Variants in CD163L1 observed in about 807,000 individuals in gnomAD.
The protein encoded by CD163L1 is scavenger receptor cysteine-rich type 1 protein M160.
In CD163L1, 124 loss-of-function variants were observed where a neutral mutation model predicts 165.4. The ratio of observed to expected loss-of-function variants is 0.75; its 90% confidence interval spans 0.65 to 0.87. The LOEUF (loss-of-function observed/expected upper bound fraction) is 0.87, where lower values mean the gene tolerates loss of function less well. Among genes scored for constraint, CD163L1 ranks in the 40% least tolerant of loss-of-function variants. The probability of loss-of-function intolerance (pLI) is 0.00; values close to 1 mark genes in which losing one functional copy is unlikely to be tolerated. For synonymous variants in CD163L1, 585 were observed against 662.2 expected, an observed-to-expected ratio of 0.88 and a Z score of 1.79; for missense variants, 1,525 against 1,799.9, an observed-to-expected ratio of 0.85 and a Z score of 2.76.
intron 19 of CD163L1, among the ~76,000 whole-genome samples, chr12:7,357,090 G>A (rs1221360852): frequency 6.6e-6 from 1 of 152,098 alleles, no homozygotes; most frequent in African/African-American, 2.4e-5. Flanking sequence ...TTATCAATGA[G>A]CAGTATGTGA....
chr12:7,389,958 A>ATT (rs917330105), intron 8 of CD163L1, among the ~76,000 whole-genome samples: 9 of 114,896 alleles, frequency 7.8e-5, no homozygotes, highest in South Asian at 6.3e-4. Context: ...ATATATATAT[A>ATT]TTTATATATA....
At chr12:7,407,689 A>G (rs1389885788) in intron 4 of CD163L1, among the ~76,000 whole-genome samples, 2 of 151,776 alleles carry the variant, frequency 1.3e-5, no homozygotes, top group Non-Finnish European at 2.9e-5. Context: ...ACATATATAT[A>G]GTGATCAATT....
intron 19 of CD163L1, among the ~76,000 whole-genome samples, chr12:7,356,037 A>G (rs1946768100): frequency 6.6e-6 from 1 of 152,168 alleles, no homozygotes; most frequent in South Asian, 2.1e-4. Context: ...CCCTAATTTC[A>G]AGTACTTTAA....
Position 7,369,479 on chromosome 12 carries a change from C to A in CD163L1, c.3917G>T (p.Gly1306Val), listed in dbSNP as rs1484430669. ...CCGCATGTCATCCAACCAGATGGTT[C>A]CAGTTCCCTGGCCAAACGAAGCGTC... ...LRDASFGQGT[G>V]TIWLDDMRCK... Residue 1306 changes from glycine to valine, a missense_variant, in exon 15 of 20, where the codon GGA becomes GTA. Transcript: ENST00000313599. The surrounding 1 kb of genome is among the most constrained non-coding windows in gnomAD (Gnocchi z 4.9). The A allele has an allele frequency of 1.2e-6, 2 of 1,614,070 alleles. No homozygotes were observed. The highest frequency in any genetic ancestry group is 1.7e-6 in the Non-Finnish European group (2 of 1,180,044).
At chr12:7,320,835 C>T in the CD163L1 span, 1 of 1,527,504 alleles carries the variant, frequency 6.5e-7, no homozygotes, top group Non-Finnish European at 9.1e-7. Flanking sequence ...ATTTGAACCA[C>T]AAACAATAGC....
At position 7,374,883 on chromosome 12, in the gene CD163L1, T is replaced by C. The variant is rs780928352; in HGVS notation, c.3042A>G (p.Val1014=). The C allele has an allele frequency of 4.3e-6, 7 of 1,614,050 alleles. No homozygotes were observed. Among genetic ancestry groups the C allele is most frequent in the African/African-American group, 2.7e-5 (2 of 74,936 alleles). The change falls in exon 12 of 20, where the codon GTA becomes GTG. Residue 1014 remains valine (V), a synonymous_variant. Transcript: ENST00000313599. The surrounding 1 kb of genome is among the most constrained non-coding windows in gnomAD (Gnocchi z 5.4). ...GAACTGCAGACAAATATGGGTCAGA[T>C]ACATTTGCGAGGCATGGAAACAGTG... ...TQPLFPCLAN[V]SDPYLSAVPE... is the part of the protein sequence containing the mutation.
rs775574047 is a variant in CD163L1, at chr12:7,406,859, CAG to C, written c.767-9_767-8del. 8.7e-6 allele frequency: 14 copies of C among 1,612,572 alleles called. No individual in the cohort carries two copies. In the African/African-American group the frequency reaches 1.5e-4, roughly 17 times the overall value. On this transcript the variant is annotated splice_polypyrimidine_tract_variant and splice_region_variant and intron_variant, in intron 4 of 19. Transcript: ENST00000313599. ...AGTTCAAGATCACTACTATCTGAAA[CAG>C]AGATATAAACACAAAGCCCAGGTGA...
intron 8 of CD163L1, among the ~76,000 whole-genome samples, chr12:7,384,127 GAAAC>G (rs1164671553): frequency 2.0e-5 from 3 of 150,718 alleles, no homozygotes; most frequent in Non-Finnish European, 3.0e-5. Flanking sequence ...TCATAAAAAA[GAAAC>G]AAACAGAAAT....
chr12:7,343,409 T>C (rs1266854002), downstream of CD163L1, among the ~76,000 whole-genome samples: 3 of 152,176 alleles, frequency 2.0e-5, no homozygotes, highest in Non-Finnish European at 4.4e-5. Flanking sequence ...GTTGGGTAAT[T>C]TATAAAGAAA....
chr12:7,418,252 C>T (rs1436051336), intron 4 of CD163L1, among the ~76,000 whole-genome samples: 3 of 152,024 alleles, frequency 2.0e-5, no homozygotes, highest in Non-Finnish European at 2.9e-5. Flanking sequence ...AATGCAAATA[C>T]ATGGAAATTA....
downstream of CD163L1, among the ~76,000 whole-genome samples, chr12:7,342,208 CACTGG>C (rs1307421317): frequency 1.3e-5 from 2 of 152,204 alleles, no homozygotes; most frequent in African/African-American, 4.8e-5. Flanking sequence ...ATGACACCCA[CACTGG>C]AAGGTTGTGG....
chr12:7,402,426 T>C (rs1947932215), intron 6 of CD163L1, among the ~76,000 whole-genome samples: 1 of 152,036 alleles, frequency 6.6e-6, no homozygotes, highest in African/African-American at 2.4e-5. Context: ...ATCCTATATC[T>C]ATCATCTATC....
In CD163L1 at chr12:7,379,014, A is replaced by G. The variant is rs760257812; in HGVS notation, c.2335T>C (p.Cys779Arg). ...CIRWEWKQTA[C>R]HLNMEASLIC... ...AAACTTGCTTCCATATTTAAATGAC[A>G]CGCAGTCTGTTTCCACTCCCATCGT... Residue 779 changes from cysteine to arginine, a missense_variant, in exon 9 of 20, where the codon TGT becomes CGT. Physicochemically the swap from Cys to Arg is radical, Grantham distance 180. Transcript: ENST00000313599. 2 of 1,611,374 alleles carry G rather than the reference A, an allele frequency of 1.2e-6. No individual in the cohort carries two copies. The highest frequency in any genetic ancestry group is 1.3e-5 in the African/African-American group (1 of 74,998).
At chr12:7,407,509 GCCTTTCCTT>G (rs1565800873) in intron 4 of CD163L1, among the ~76,000 whole-genome samples, 1 of 151,612 alleles carries the variant, frequency 6.6e-6, no homozygotes, top group African/African-American at 2.4e-5. Flanking sequence ...CAAAGTCTCA[GCCTTTCCTT>G]ATTTCCTTAC....
intron 18 of CD163L1, among the ~76,000 whole-genome samples, chr12:7,362,390 A>G (rs1565771202): frequency 7.3e-6 from 1 of 137,230 alleles, no homozygotes; most frequent in East Asian, 2.0e-4. Flanking sequence ...ACATATAATT[A>G]CAATTATAGA....
At chr12:7,439,806 C>T in intron 2 of CD163L1, 1 of 1,613,808 alleles carries the variant, frequency 6.2e-7, no homozygotes. Flanking sequence ...GGATCTTCTC[C>T]ACCTCGAACA....
At chr12:7,338,959 C>G in the CD163L1 span, among the ~76,000 whole-genome samples, 4 of 152,030 alleles carry the variant, frequency 2.6e-5, no homozygotes, top group Admixed American at 2.0e-4. Flanking sequence ...TGTATTTTTT[C>G]TTTTTGCCAT....
chr12:7,417,912 C>T (rs1187957710), intron 4 of CD163L1, among the ~76,000 whole-genome samples: 1 of 151,382 alleles, frequency 6.6e-6, no homozygotes, highest in Non-Finnish European at 1.5e-5. Flanking sequence ...AGATAATTAA[C>T]AAAATAGCAT....
At chr12:7,323,504 G>A in the CD163L1 span, 2 of 1,613,888 alleles carry the variant, frequency 1.2e-6, no homozygotes, top group East Asian at 2.2e-5. Flanking sequence ...CAAAGAAGGG[G>A]AAATTGCCCT....
Sources: allele counts gnomAD v4.1 joint callset (sites outside exome capture counted in the v4.1 genomes callset), GRCh38; gene constraint gnomAD v4.1.1; non-coding constraint Gnocchi (gnomAD v3.1); transcripts MANE v1.5; gene names NCBI Gene and HGNC (gene_info 2026-07-23, HGNC 2026-07-21).